The following NIBAN1 variants were observed in gnomAD, a reference collection of about 807,000 sequenced individuals.
NIBAN1 encodes the protein protein Niban 1.
Under a neutral mutation model 75.1 loss-of-function variants are expected in NIBAN1, and 81 were observed. The ratio of observed to expected loss-of-function variants is 1.08; its 90% confidence interval spans 0.90 to 1.30. The LOEUF (loss-of-function observed/expected upper bound fraction) is 1.30. Ranked by LOEUF, NIBAN1 falls within the 50% of genes most tolerant of loss-of-function variation. The pLI, the probability that NIBAN1 is intolerant of heterozygous loss-of-function variation, is 0.00. For synonymous variants in NIBAN1, 436 were observed against 424.8 expected (o/e 1.03, Z -0.32); for missense variants, 1,133 against 1,128.1 (o/e 1.00, Z -0.06).
In NIBAN1 at chr1:184,808,490, C is replaced by T. The variant is rs2281684; in HGVS notation, c.1174-255G>A. Among the ~76,000 whole-genome samples the T allele has an allele frequency of 3.5e-3, 537 of 152,282 alleles. 5 individuals carry two copies. In the East Asian group the frequency reaches 0.039, roughly 11 times the overall value. On this transcript the variant is annotated intron_variant, in intron 9 of 13. Coordinates refer to ENST00000367511, the MANE Select transcript of NIBAN1 (RefSeq NM_052966.4). ...AGAGGAAGACCCAGCGGTGCACCCA[C>T]GGGGACTCCAGTCTTTGTAAGCTGT... is the stretch of plus-strand genomic sequence containing the variant.
rs1251498687 is a variant in NIBAN1 at position 184,804,783 on chromosome 1, TG to T, written c.1447-1092del. Among the ~76,000 whole-genome samples, 9 of 151,886 alleles carry T rather than the reference TG, an allele frequency of 5.9e-5. No individual in the cohort carries two copies. The South Asian group carries it at 1.3e-3, about 21-fold the overall frequency. On this transcript the variant is annotated intron_variant, in intron 11 of 13. Coordinates refer to ENST00000367511, the MANE Select transcript of NIBAN1 (RefSeq NM_052966.4). ...TGAGCAATATTGGTGTTTTTTTTTT[TG>T]TTTTTTTGTTTTTTGTTTTTTGAGA...
At chr1:184,836,316 G>A (rs1425918006) in intron 5 of NIBAN1, among the ~76,000 whole-genome samples, 1 of 152,190 alleles carries the variant, frequency 6.6e-6, no homozygotes, top group Admixed American at 6.5e-5. Context: ...AGAGATGGAA[G>A]AAAATATGGT....
intron 5 of NIBAN1, among the ~76,000 whole-genome samples, chr1:184,862,021 C>T (rs138978822): frequency 6.6e-6 from 1 of 152,264 alleles, no homozygotes; most frequent in African/African-American, 2.4e-5. Flanking sequence ...GGTTCAAGGG[C>T]ACTCACTATT....
intron 11 of NIBAN1, 86 bp from the exon 12 acceptor site, chr1:184,803,778 C>T (rs1654113846): frequency 3.8e-6 from 4 of 1,051,492 alleles, no homozygotes; most frequent in East Asian, 2.4e-5. Context: ...CCCACTTCAC[C>T]TCTCTTTTCC....
intron 5 of NIBAN1, among the ~76,000 whole-genome samples, chr1:184,877,790 A>G (rs1259369282): frequency 6.6e-6 from 1 of 152,204 alleles, no homozygotes; most frequent in Non-Finnish European, 1.5e-5. Context: ...TATAAGTAAA[A>G]GAAGAAAAAC....
intron 1 of NIBAN1, among the ~76,000 whole-genome samples, chr1:184,917,383 T>C (rs954683521): frequency 1.4e-5 from 2 of 146,722 alleles, no homozygotes; most frequent in African/African-American, 5.0e-5. Flanking sequence ...TTTTTTTTTT[T>C]TTTTTTTTTT....
At chr1:184,877,045 T>C (rs1352274614) in intron 5 of NIBAN1, among the ~76,000 whole-genome samples, 1 of 152,142 alleles carries the variant, frequency 6.6e-6, no homozygotes, top group East Asian at 1.9e-4. Flanking sequence ...CAACAAACAG[T>C]AAGTGTTCAC....
At chr1:184,899,807 C>CTTTTTTT (rs66802117) in intron 1 of NIBAN1, among the ~76,000 whole-genome samples, 10 of 100,334 alleles carry the variant, frequency 1.0e-4, no homozygotes, top group Admixed American at 1.2e-4. Context: ...ACATCACTCT[C>CTTTTTTT]TTTTTTTTTT....
rs770995786 is a variant in NIBAN1 at position 184,795,997 on chromosome 1, G to T, written c.1767C>A (p.Pro589=). Residue 589 remains proline (P), a synonymous_variant, in exon 14 of 14, where the codon CCC becomes CCA. Transcript: ENST00000367511. Reference sequence around the variant, plus strand: ...CAGGGCTGGCCTGGTTTGACCCTGTGGGGGGCTTTAGATCTGTTAAGCTGG... The same window carrying T: ...CAGGGCTGGCCTGGTTTGACCCTGTTGGGGGCTTTAGATCTGTTAAGCTGG... ...SVSSLTDLKP[P]TGSNQASPAR... 2 of 1,613,584 alleles carry T rather than the reference G, an allele frequency of 1.2e-6. No homozygotes were observed. The highest frequency in any genetic ancestry group is 1.1e-5 in the South Asian group (1 of 91,080).
intron 1 of NIBAN1, among the ~76,000 whole-genome samples, chr1:184,903,916 G>A (rs1657020604): frequency 6.7e-6 from 1 of 148,628 alleles, no homozygotes; most frequent in Admixed American, 6.7e-5. Flanking sequence ...TTTTTTTTTA[G>A]ACACAGTTTC....
rs1273971547 is a variant in NIBAN1, at chr1:184,794,135, G to T, written c.*842C>A. 6.6e-6 allele frequency: 1 copy of T among 152,120 alleles called. No individual in the cohort carries two copies. The highest frequency in any genetic ancestry group is 6.5e-5 in the Admixed American group (1 of 15,270). 9.4% of individuals were successfully genotyped at this position (152,120 alleles called of 1,614,324 possible). A position where few individuals can be genotyped will look rare whatever the true frequency, so the allele number is the denominator to read the frequency against. On this transcript the variant is annotated 3_prime_UTR_variant, in exon 14 of 14. Transcript: ENST00000367511. ...TTTTTATTACTAAGCCCAACACAGT[G>T]CGTGGCATGCAGTAACTGTTCAAAT...
intron 1 of NIBAN1, among the ~76,000 whole-genome samples, chr1:184,968,657 C>A (rs982382000): frequency 2.6e-5 from 4 of 152,138 alleles, no homozygotes; most frequent in Admixed American, 2.6e-4. Flanking sequence ...TGAAAGGGGA[C>A]CCAATAAGGC....
chr1:184,883,952 C>T (rs1397381641), intron 5 of NIBAN1, among the ~76,000 whole-genome samples: 1 of 152,152 alleles, frequency 6.6e-6, no homozygotes, highest in Non-Finnish European at 1.5e-5. Flanking sequence ...CCAGGGAAAA[C>T]TGGCATGTTC....
chr1:184,878,544 C>G (rs1476411800), intron 5 of NIBAN1, among the ~76,000 whole-genome samples: 1 of 152,128 alleles, frequency 6.6e-6, no homozygotes, highest in African/African-American at 2.4e-5. Flanking sequence ...TCATGGTTAG[C>G]CTGTGGACAA....
intron 1 of NIBAN1, among the ~76,000 whole-genome samples, chr1:184,899,766 A>G (rs1656897727): frequency 6.7e-6 from 1 of 149,256 alleles, no homozygotes; most frequent in African/African-American, 2.5e-5. Flanking sequence ...CCAAATGATA[A>G]TCCCAGGTCT....
chr1:184,973,241 T>TCC (rs1658983570), intron 1 of NIBAN1, among the ~76,000 whole-genome samples: 1 of 152,230 alleles, frequency 6.6e-6, no homozygotes, highest in Non-Finnish European at 1.5e-5. Context: ...TAAAATCAGC[T>TCC]CCGTTGCTCT....
chr1:184,799,735 CTTTTTTTTTTTTTTTTT>C (rs780273995), intron 12 of NIBAN1, among the ~76,000 whole-genome samples: 994 of 49,802 alleles, frequency 0.02, 292 homozygotes, highest in Non-Finnish European at 0.027. Flanking sequence ...GATTGCCATT[CTTTTTTTTTTTTTTTTT>C]TTTTTTTTTT....
chr1:184,793,278 G>C lies in NIBAN1; in HGVS notation c.*1699C>G, dbSNP rs1276877566. The C allele has an allele frequency of 6.6e-6, 1 of 152,114 alleles. No homozygotes were observed. 9.4% of individuals were successfully genotyped at this position (152,114 alleles called of 1,614,324 possible). ...GAGATCTGATGTTAAAATTTGGGGAGGGGCCAGGTAGCTCACGCTGTAATC... is the reference window on the plus strand; with the variant it reads ...GAGATCTGATGTTAAAATTTGGGGACGGGCCAGGTAGCTCACGCTGTAATC... On this transcript the variant is annotated 3_prime_UTR_variant, in exon 14 of 14. Transcript: ENST00000367511.
chr1:184,918,988 T>C (rs1657462493), intron 1 of NIBAN1, among the ~76,000 whole-genome samples: 1 of 152,172 alleles, frequency 6.6e-6, no homozygotes, highest in Admixed American at 6.5e-5. Context: ...TACACCAACA[T>C]TTAAACTTGT....
Sources: allele counts gnomAD v4.1 joint callset (sites outside exome capture counted in the v4.1 genomes callset), GRCh38; gene constraint gnomAD v4.1.1; transcripts MANE v1.5; gene names NCBI Gene and HGNC (gene_info 2026-07-23, HGNC 2026-07-21).